Variants in FAF1 observed in about 807,000 individuals in gnomAD.
The protein encoded by FAF1 is FAS-associated factor 1.
In FAF1, 25 loss-of-function variants were observed where a neutral mutation model predicts 92.5. The observed-to-expected ratio is 0.27, with a 90% CI of 0.20 to 0.38. The LOEUF is 0.38. Among genes scored for constraint, FAF1 ranks in the 10% least tolerant of loss-of-function variants. The pLI is 1.00. For missense variants in FAF1, 636 were observed against 793.3 expected (o/e 0.80, Z 2.38); for synonymous variants, 234 against 273.2 (o/e 0.86, Z 1.42).
At chr1:50,582,376 T>A (rs1651032108) in intron 12 of FAF1, 1 of 421,030 alleles carries the variant, frequency 2.4e-6, no homozygotes, top group Non-Finnish European at 4.3e-6. Context: ...AAATAAAGTC[T>A]CCAATCTCAA....
intron 15 of FAF1, among the ~76,000 whole-genome samples, chr1:50,525,854 A>G (rs556944595): frequency 6.6e-6 from 1 of 152,152 alleles, no homozygotes; most frequent in East Asian, 1.9e-4. Context: ...TGAATGCAAA[A>G]TACCTGCATG....
rs528173895 is a variant in FAF1 at position 50,552,042 on chromosome 1, C to T, written c.1269-12314G>A. ...AGGTGCGGTGGCTCATGCTCATAATCCCAGCACTTTGAGTTGCCAAGGCGG... is the reference window on the plus strand; with the variant it reads ...AGGTGCGGTGGCTCATGCTCATAATTCCAGCACTTTGAGTTGCCAAGGCGG... On this transcript the variant is annotated intron_variant, in intron 13 of 18. Transcript: ENST00000396153. Among the ~76,000 whole-genome samples the T allele has an allele frequency of 2.5e-3, 375 of 152,190 alleles. 2 individuals are homozygous for T. Among genetic ancestry groups the T allele is most frequent in the Non-Finnish European group, 4.3e-3 (295 of 68,000 alleles).
At chr1:50,535,719 T>C (rs1406211707) in intron 14 of FAF1, among the ~76,000 whole-genome samples, 1 of 152,192 alleles carries the variant, frequency 6.6e-6, no homozygotes, top group Non-Finnish European at 1.5e-5. Context: ...TTTAGCACTA[T>C]ATAGAAGAAT....
At chr1:50,576,808 A>G (rs1650765740) in intron 12 of FAF1, among the ~76,000 whole-genome samples, 1 of 149,356 alleles carries the variant, frequency 6.7e-6, no homozygotes, top group Non-Finnish European at 1.5e-5. Context: ...GCACCTGACT[A>G]ACTGTTTTTG....
chr1:50,921,437 A>T (rs1225580859), intron 1 of FAF1, among the ~76,000 whole-genome samples: 1 of 152,226 alleles, frequency 6.6e-6, no homozygotes, highest in African/African-American at 2.4e-5. Flanking sequence ...CTACATCTGG[A>T]AGTGAAAGAA....
At chr1:50,759,196 A>T (rs899621769) in intron 4 of FAF1, among the ~76,000 whole-genome samples, 5 of 151,856 alleles carry the variant, frequency 3.3e-5, no homozygotes, top group Non-Finnish European at 7.4e-5. Flanking sequence ...CATGTGCACA[A>T]TGTGCAGGTT....
chr1:50,958,677 C>CA (rs1298331887), intron 1 of FAF1, among the ~76,000 whole-genome samples: 3,133 of 83,182 alleles, frequency 0.038, 69 homozygotes, highest in African/African-American at 0.091. Context: ...GACTCCGTCT[C>CA]AAAAAAAAAA....
chr1:50,796,125 G>A (rs531696457), intron 3 of FAF1, among the ~76,000 whole-genome samples: 8 of 151,550 alleles, frequency 5.3e-5, no homozygotes, highest in Non-Finnish European at 8.8e-5. Context: ...AGGGAATACA[G>A]AATAAATAGT....
chr1:50,532,625 C>A (rs1648235632), intron 15 of FAF1, among the ~76,000 whole-genome samples: 6 of 152,172 alleles, frequency 3.9e-5, no homozygotes, highest in African/African-American at 1.4e-4. Context: ...TATCTGAATG[C>A]CTTTCCTTCA....
rs190189651 is a variant in FAF1 at position 50,668,438 on chromosome 1, T to C, written c.658-12910A>G. Reference sequence around the variant, plus strand: ...ACTTTGCAAGATCAGCTTTCAGCATTACTCTCAGAGATTTGTAGGCAGGAG... The same window carrying C: ...ACTTTGCAAGATCAGCTTTCAGCATCACTCTCAGAGATTTGTAGGCAGGAG... On this transcript the variant is annotated intron_variant, in intron 7 of 18. Coordinates refer to ENST00000396153, the MANE Select transcript of FAF1 (RefSeq NM_007051.3). 1.0e-3 allele frequency among the ~76,000 whole-genome samples: 153 copies of C among 152,356 alleles called. 2 individuals carry two copies. The highest frequency in any genetic ancestry group is 3.7e-3 in the African/African-American group (152 of 41,590).
At chr1:50,956,414 C>T (rs1419983458) in intron 1 of FAF1, among the ~76,000 whole-genome samples, 3 of 152,184 alleles carry the variant, frequency 2.0e-5, no homozygotes, top group African/African-American at 7.2e-5. Flanking sequence ...CATTTAGACA[C>T]AGTATCTAGC....
rs111970654 is a variant in FAF1 at position 50,774,541 on chromosome 1, T to C, written c.367+13459A>G. On this transcript the variant is annotated intron_variant, in intron 4 of 18. Coordinates refer to ENST00000396153, the MANE Select transcript of FAF1 (RefSeq NM_007051.3). The stretch of plus-strand genomic sequence containing the variant: ...TTAAAAACTAAAATAGTATCCAATA[T>C]AGTAAAAGTAGCTTTAAGAAAGATC... 6.4e-3 allele frequency among the ~76,000 whole-genome samples: 980 copies of C among 152,206 alleles called. 7 individuals are homozygous for C. Among genetic ancestry groups the C allele is most frequent in the Non-Finnish European group, 0.01 (697 of 67,974 alleles).
chr1:50,556,238 C>CAAAAAAA (rs34420030), intron 13 of FAF1, among the ~76,000 whole-genome samples: 19 of 73,746 alleles, frequency 2.6e-4, no homozygotes, highest in Admixed American at 5.3e-4. Flanking sequence ...ACTCCATCTC[C>CAAAAAAA]AAAAAAAAAA....
At chr1:50,545,921 G>C (rs1440808243) in intron 13 of FAF1, among the ~76,000 whole-genome samples, 1 of 152,230 alleles carries the variant, frequency 6.6e-6, no homozygotes, top group Admixed American at 6.5e-5. Flanking sequence ...CCAGCACTTT[G>C]GGAGGCCAAG....
chr1:50,443,467 C>A (rs1375499587), intron 18 of FAF1, among the ~76,000 whole-genome samples: 1 of 152,198 alleles, frequency 6.6e-6, no homozygotes, highest in Admixed American at 6.5e-5. Context: ...AACAACCATG[C>A]AAGACAGTGG....
intron 8 of FAF1, among the ~76,000 whole-genome samples, chr1:50,654,970 TC>T (rs998382672): frequency 2.0e-5 from 3 of 149,252 alleles, no homozygotes; most frequent in Non-Finnish European, 3.0e-5. Flanking sequence ...TTTAGATATT[TC>T]TTTTTTTTTT....
intron 15 of FAF1, among the ~76,000 whole-genome samples, chr1:50,510,383 G>C (rs557716459): frequency 3.5e-4 from 53 of 152,122 alleles, no homozygotes; most frequent in African/African-American, 1.3e-3. Flanking sequence ...GACTGTTTAG[G>C]GAGGACCTGG....
intron 18 of FAF1, among the ~76,000 whole-genome samples, chr1:50,467,593 A>G (rs952240138): frequency 3.3e-5 from 5 of 152,154 alleles, no homozygotes; most frequent in Admixed American, 2.0e-4. Flanking sequence ...AATTACAGAC[A>G]TGAGCCACCA....
chr1:50,707,444 A>G (rs1657726106), intron 6 of FAF1, among the ~76,000 whole-genome samples: 1 of 152,208 alleles, frequency 6.6e-6, no homozygotes, highest in African/African-American at 2.4e-5. Context: ...CACACCTGCA[A>G]TCCCAGCACT....
Sources: gnomAD v4.1 joint callset for allele counts (sites outside exome capture counted in the v4.1 genomes callset) on GRCh38, gnomAD v4.1.1 for gene constraint, MANE v1.5 for transcripts, NCBI Gene and HGNC (gene_info 2026-07-23, HGNC 2026-07-21) for gene names.